The following AK7 variants were observed in gnomAD, a reference collection of about 807,000 sequenced individuals.
The protein encoded by AK7 is ATP-AMP transphosphorylase 7.
Under a neutral mutation model 96.6 loss-of-function variants are expected in AK7, and 78 were observed. That is an observed-to-expected ratio of 0.81 (90% CI 0.67 to 0.97). The LOEUF is 0.97. Among genes scored for constraint, AK7 ranks in the 50% least tolerant of loss-of-function variants. The pLI, the probability that AK7 is intolerant of heterozygous loss-of-function variation, is 0.00. For synonymous variants in AK7, 302 were observed against 317.2 expected, an observed-to-expected ratio of 0.95 and a Z score of 0.51; for missense variants, 855 against 887.9, an observed-to-expected ratio of 0.96 and a Z score of 0.47.
chr14:96,395,760 G>A (rs1303295740), intron 1 of AK7, among the ~76,000 whole-genome samples: 3 of 121,566 alleles, frequency 2.5e-5, no homozygotes, highest in South Asian at 2.7e-4. Context: ...AGGGAAGGGA[G>A]TTTATCTCCT....
At chr14:96,400,121 C>G (rs1237698124) in intron 2 of AK7, among the ~76,000 whole-genome samples, 1 of 143,868 alleles carries the variant, frequency 7.0e-6, no homozygotes, top group Non-Finnish European at 1.5e-5. Flanking sequence ...TTACTGCAAC[C>G]TTCGCCTCCT....
chr14:96,416,755 A>C (rs1356633924), intron 4 of AK7, among the ~76,000 whole-genome samples: 1 of 152,254 alleles, frequency 6.6e-6, no homozygotes, highest in Non-Finnish European at 1.5e-5. Context: ...TGTTTGTAAC[A>C]AGTGAAATTT....
At chr14:96,472,537 A>G (rs988282721) in intron 13 of AK7, 150 bp from the exon 14 acceptor site, 14 of 599,994 alleles carry the variant, frequency 2.3e-5, no homozygotes, top group Non-Finnish European at 3.9e-5. Flanking sequence ...ATCAATGTAC[A>G]TTTAGTTTGT....
rs1000691111 is a variant in AK7 at position 96,478,489 on chromosome 14, C to T, written c.1580C>T (p.Ser527Leu). ...GAATTCGTTTGTGCACTGGATGCTT[C>T]GGATGAGTTTCTGAAGGAGCGTGTG... is the stretch of plus-strand genomic sequence containing the variant. The part of the protein sequence containing the change: ...IPEFVCALDA[S>L]DEFLKERVIN... The change falls in exon 15 of 18, where the codon TCG (serine) becomes TTG (leucine). Residue 527 changes from serine to leucine, a missense_variant. Ser to Leu is a moderately radical substitution (Grantham distance 145, BLOSUM62 -2). Transcript: ENST00000267584. The T allele has an allele frequency of 8.7e-6, 14 of 1,614,000 alleles. No individual in the cohort carries two copies. The highest frequency in any genetic ancestry group is 6.6e-5 in the South Asian group (6 of 91,076).
At chr14:96,407,575 CTTTTCTTTTTTTT>C (rs1890783811) in intron 3 of AK7, among the ~76,000 whole-genome samples, 2 of 54,732 alleles carry the variant, frequency 3.7e-5, no homozygotes, top group South Asian at 1.4e-3. Flanking sequence ...TTCTTTCTTT[CTTTTCTTTTTTTT>C]TTTTTTTTTT....
At chr14:96,424,296 G>A (rs567179815) in intron 5 of AK7, 8 of 404,318 alleles carry the variant, frequency 2.0e-5, no homozygotes, top group Non-Finnish European at 2.2e-5. Flanking sequence ...GGGGGTCTCC[G>A]CCAGCTGAAA....
At chr14:96,455,698 G>T (rs955103578) in intron 10 of AK7, among the ~76,000 whole-genome samples, 1 of 152,166 alleles carries the variant, frequency 6.6e-6, no homozygotes, top group Non-Finnish European at 1.5e-5. Flanking sequence ...GATCTGAGTT[G>T]TTCCTGATAC....
chr14:96,428,699 TTC>T (rs1892172558), intron 5 of AK7, among the ~76,000 whole-genome samples: 1 of 152,206 alleles, frequency 6.6e-6, no homozygotes, highest in East Asian at 1.9e-4. Flanking sequence ...TGATTTGCAT[TTC>T]TCTGATGGCC....
chr14:96,433,496 C>A (rs181448439), intron 5 of AK7, among the ~76,000 whole-genome samples: 50 of 152,310 alleles, frequency 3.3e-4, no homozygotes, highest in African/African-American at 1.2e-3. Flanking sequence ...TCATGAAGTT[C>A]TCGTGCCATG....
rs369791061 is a variant in AK7 at position 96,428,591 on chromosome 14, G to C, written c.609+7659G>C. ...TTGCAGTCCCACCAACAGTGTAAAA[G>C]TGTTCCTATTTCTCCACATCCTCTC... On this transcript the variant is annotated intron_variant, in intron 5 of 17. Coordinates refer to ENST00000267584, the MANE Select transcript of AK7 (RefSeq NM_152327.5). Among the ~76,000 whole-genome samples the C allele has an allele frequency of 5.3e-5, 8 of 152,176 alleles. No individual in the cohort carries two copies. The South Asian group carries it at 1.0e-3, about 20-fold the overall frequency.
At chr14:96,463,445 C>T (rs1055519485) in intron 12 of AK7, among the ~76,000 whole-genome samples, 5 of 152,002 alleles carry the variant, frequency 3.3e-5, no homozygotes, top group East Asian at 1.9e-4. Context: ...AGGAGCCGGG[C>T]GCGGTGGCTC....
chr14:96,425,469 G>A, intron 5 of AK7, among the ~76,000 whole-genome samples: 1 of 146,916 alleles, frequency 6.8e-6, no homozygotes, highest in African/African-American at 2.5e-5. Flanking sequence ...ATCTTTTAAT[G>A]AGTCACACTG....
At chr14:96,437,744 G>A in intron 5 of AK7, 91 bp from the exon 6 acceptor site, 1 of 921,064 alleles carries the variant, frequency 1.1e-6, no homozygotes, top group South Asian at 1.6e-5. Context: ...CGGAAGTTCT[G>A]AAAGTGCTCA....
intron 4 of AK7, among the ~76,000 whole-genome samples, chr14:96,415,621 GTT>G (rs981710020): frequency 6.6e-6 from 1 of 151,832 alleles, no homozygotes; most frequent in Admixed American, 6.6e-5. Context: ...GTCTTTTTGA[GTT>G]TGGTTTTCTG....
Position 96,456,491 on chromosome 14 carries a change from A to AT in AK7, c.1227+20dup, listed in dbSNP as rs752095613. ...AGCAAAACTGGTAACACTTTAAACT[A>AT]TTTTCCTGGGCATTTTAATTAATTA... On this transcript the variant is annotated intron_variant, in intron 11 of 17. Coordinates refer to ENST00000267584, the MANE Select transcript of AK7 (RefSeq NM_152327.5). 3 of 1,610,018 alleles carry AT rather than the reference A, an allele frequency of 1.9e-6. No individual in the cohort carries two copies. The highest frequency in any genetic ancestry group is 2.2e-5 in the South Asian group (2 of 90,778).
At chr14:96,480,371 G>T (rs1439184279) in intron 15 of AK7, among the ~76,000 whole-genome samples, 1 of 151,924 alleles carries the variant, frequency 6.6e-6, no homozygotes, top group African/African-American at 2.4e-5. Context: ...GGCAGAGATT[G>T]CAGTGAAGTG....
chr14:96,404,171 A>AAC lies in AK7; in HGVS notation c.295-585_295-584insCA, dbSNP rs1555376072. 1.3e-4 allele frequency among the ~76,000 whole-genome samples: 19 copies of AAC among 147,422 alleles called. 1 individual carries two copies. The South Asian group carries it at 1.7e-3, about 13-fold the overall frequency. ...AAATTAAAAAAAAAAAAAAAAAAAAAAACACCAAAAATGATCAGCAAAGCA... is the reference window on the plus strand; with the variant it reads ...AAATTAAAAAAAAAAAAAAAAAAAAAACAACACCAAAAATGATCAGCAAAGCA... On this transcript the variant is annotated intron_variant, in intron 2 of 17. Coordinates refer to ENST00000267584, the MANE Select transcript of AK7 (RefSeq NM_152327.5).
intron 10 of AK7, 140 bp downstream of exon 10, chr14:96,451,710 G>A: frequency 5.7e-6 from 5 of 869,970 alleles, no homozygotes; most frequent in Non-Finnish European, 7.7e-6. Flanking sequence ...TGACAAATTT[G>A]TCCAGGTCTA....
intron 1 of AK7, among the ~76,000 whole-genome samples, chr14:96,393,442 G>T (rs1042753039): frequency 6.6e-6 from 1 of 152,184 alleles, no homozygotes; most frequent in Non-Finnish European, 1.5e-5. Context: ...AGTTCTTGAG[G>T]GCAGAAGTCC....
Sources: gnomAD v4.1 joint callset for allele counts (sites outside exome capture counted in the v4.1 genomes callset) on GRCh38, gnomAD v4.1.1 for gene constraint, MANE v1.5 for transcripts, NCBI Gene and HGNC (gene_info 2026-07-23, HGNC 2026-07-21) for gene names.